DNMBP: variants seen among roughly 807,000 people sequenced by gnomAD.
DNMBP encodes dynamin-binding protein.
DNMBP carries 87 observed loss-of-function variants against 150.0 expected under a neutral mutation model. That is an observed-to-expected ratio of 0.58 (90% CI 0.49 to 0.69). The LOEUF is 0.69. Ranked by LOEUF, DNMBP falls within the 30% of genes least tolerant of loss-of-function variation. The probability of loss-of-function intolerance (pLI) is 0.00; values close to 1 mark genes in which losing one functional copy is unlikely to be tolerated. For missense variants in DNMBP, 1,774 were observed against 1,949.0 expected, an observed-to-expected ratio of 0.91 and a Z score of 1.69; for synonymous variants, 711 against 750.4, an observed-to-expected ratio of 0.95 and a Z score of 0.86.
rs1171339335 is a variant in DNMBP at position 99,955,867 on chromosome 10, G to A, written c.1607C>T (p.Ala536Val). 3.7e-6 allele frequency: 6 copies of A among 1,614,208 alleles called. No individual in the cohort carries two copies. The highest frequency in any genetic ancestry group is 2.2e-5 in the East Asian group (1 of 44,880). Residue 536 changes from alanine (A) to valine (V), a missense_variant, in exon 4 of 17, where the codon GCA (alanine) becomes GTA (valine). Coordinates refer to ENST00000324109, the MANE Select transcript of DNMBP (RefSeq NM_015221.4). Reference protein sequence around the residue: ...GPQAQGLVMEAATHSQGDGST... With the variant: ...GPQAQGLVMEVATHSQGDGST... ...GCCGTCTCCCTGTGAATGTGTTGCT[G>A]CTTCCATAACAAGCCCTTGGGCTTG...
At chr10:99,954,612 C>T (rs183981963) in intron 4 of DNMBP, among the ~76,000 whole-genome samples, 4 of 151,718 alleles carry the variant, frequency 2.6e-5, no homozygotes, top group South Asian at 4.2e-4. Flanking sequence ...GGCATGGTGG[C>T]GCTTGCCTGT....
chr10:99,883,668 A>AAAAAAT (rs2039405371), intron 15 of DNMBP, among the ~76,000 whole-genome samples: 1 of 145,584 alleles, frequency 6.9e-6, no homozygotes, highest in Non-Finnish European at 1.5e-5. Flanking sequence ...AAAAAAAAAA[A>AAAAAAT]TTTGAAAAGA....
chr10:99,929,653 T>A (rs2040123853), intron 4 of DNMBP: 1 of 701,420 alleles, frequency 1.4e-6, no homozygotes, highest in Admixed American at 2.0e-5. Flanking sequence ...CGCCTCAGGG[T>A]GCTGGGTGCT....
intron 4 of DNMBP, among the ~76,000 whole-genome samples, chr10:99,922,541 A>ACG (rs2040035800): frequency 1.8e-5 from 1 of 54,768 alleles, no homozygotes; most frequent in Admixed American, 2.1e-4. Flanking sequence ...AAAAAAAAAA[A>ACG]GATCTCACTC....
chr10:99,933,850 C>A (rs2040191067), intron 4 of DNMBP, among the ~76,000 whole-genome samples: 1 of 152,236 alleles, frequency 6.6e-6, no homozygotes, highest in South Asian at 2.1e-4. Flanking sequence ...CATTCTCCTG[C>A]CTCAGCCTCC....
At chr10:99,958,995 T>C (rs187334526) in intron 3 of DNMBP, among the ~76,000 whole-genome samples, 48 of 152,330 alleles carry the variant, frequency 3.2e-4, no homozygotes, top group African/African-American at 9.6e-4. Context: ...CTGTCTCCCA[T>C]TGCATATTTG....
chr10:99,955,533 C>G lies in DNMBP; in HGVS notation c.1941G>C (p.Leu647=), dbSNP rs1210107996. Residue 647 remains leucine (L), a synonymous_variant, in exon 4 of 17, where the codon CTG becomes CTC. Transcript: ENST00000324109. The part of the protein sequence containing the change: ...LVVRPSRPAP[L]PPSAQQRTNA... ...TCGTTCTCTGCTGTGCTGAGGGAGGCAGGGGAGCTGGGCGAGAGGGTCGCA... is the reference window on the plus strand; with the variant it reads ...TCGTTCTCTGCTGTGCTGAGGGAGGGAGGGGAGCTGGGCGAGAGGGTCGCA... 11 of 1,596,610 alleles carry G rather than the reference C, an allele frequency of 6.9e-6. No individual in the cohort carries two copies. The highest frequency in any genetic ancestry group is 9.4e-6 in the Non-Finnish European group (11 of 1,171,920).
At chr10:99,931,403 G>A (rs546425290) in intron 4 of DNMBP, among the ~76,000 whole-genome samples, 2 of 152,210 alleles carry the variant, frequency 1.3e-5, no homozygotes, top group South Asian at 2.1e-4. Context: ...CACTCCAATC[G>A]CAAGCTGCTG....
intron 4 of DNMBP, among the ~76,000 whole-genome samples, chr10:99,932,511 C>G (rs1418663841): frequency 2.6e-5 from 4 of 151,904 alleles, no homozygotes; most frequent in Non-Finnish European, 5.9e-5. Flanking sequence ...GTATGGAAAC[C>G]TGAATAAAAT....
intron 4 of DNMBP, among the ~76,000 whole-genome samples, chr10:99,935,890 A>T (rs1045958515): frequency 1.3e-5 from 2 of 152,162 alleles, no homozygotes; most frequent in African/African-American, 4.8e-5. Flanking sequence ...TCAAGAGCAT[A>T]TAAAAATCAA....
chr10:99,915,174 T>C (rs2039950329), intron 4 of DNMBP, among the ~76,000 whole-genome samples: 1 of 141,666 alleles, frequency 7.1e-6, no homozygotes. Context: ...TATACACATA[T>C]ATACATCTAC....
intron 4 of DNMBP, among the ~76,000 whole-genome samples, chr10:99,941,571 C>T (rs1013535619): frequency 4.6e-5 from 7 of 152,044 alleles, no homozygotes; most frequent in African/African-American, 1.7e-4. Context: ...CAGATTCAAG[C>T]GGTTCTCCTG....
chr10:99,949,293 GAAT>G (rs2040394349), intron 4 of DNMBP, among the ~76,000 whole-genome samples: 2 of 152,280 alleles, frequency 1.3e-5, no homozygotes, highest in South Asian at 4.1e-4. Context: ...ATGACACACT[GAAT>G]AATAGATAAA....
chr10:99,897,501 C>T (rs1175061282), intron 9 of DNMBP, among the ~76,000 whole-genome samples: 2 of 152,178 alleles, frequency 1.3e-5, no homozygotes. Context: ...TGCCCGTGCT[C>T]GAATAAAACT....
intron 1 of DNMBP, among the ~76,000 whole-genome samples, chr10:99,983,326 C>A (rs929746091): frequency 6.6e-6 from 1 of 152,162 alleles, no homozygotes. Context: ...TCATACAAGA[C>A]AACACGAAGG....
intron 4 of DNMBP, among the ~76,000 whole-genome samples, chr10:99,921,153 C>T (rs1029569145): frequency 2.0e-5 from 3 of 152,184 alleles, no homozygotes; most frequent in Admixed American, 2.0e-4. Context: ...ATTATGAAAC[C>T]TGTAACAACA....
chr10:99,885,189 GAATT>G (rs1365752231), intron 14 of DNMBP, among the ~76,000 whole-genome samples: 1 of 151,940 alleles, frequency 6.6e-6, no homozygotes, highest in Non-Finnish European at 1.5e-5. Context: ...ATGAACCAAT[GAATT>G]AATACTGGGT....
chr10:99,891,319 G>A (rs1008251987), intron 11 of DNMBP, among the ~76,000 whole-genome samples: 13 of 145,712 alleles, frequency 8.9e-5, no homozygotes, highest in Non-Finnish European at 1.4e-4. Flanking sequence ...CAGTGCCTGC[G>A]ATTGCAGGCA....
chr10:100,002,245 G>A (rs550260196), intron 1 of DNMBP, among the ~76,000 whole-genome samples: 3 of 151,896 alleles, frequency 2.0e-5, no homozygotes, highest in Admixed American at 6.6e-5. Context: ...TTATAGATTC[G>A]CTTTTCTATA....
Sources: allele counts gnomAD v4.1 joint callset (sites outside exome capture counted in the v4.1 genomes callset), GRCh38; gene constraint gnomAD v4.1.1; transcripts MANE v1.5; gene names NCBI Gene and HGNC (gene_info 2026-07-23, HGNC 2026-07-21).